TRIM25: variants seen among roughly 807,000 people sequenced by gnomAD.
TRIM25 encodes the protein E3 ubiquitin/ISG15 ligase TRIM25.
In TRIM25, 45 loss-of-function variants were observed where a neutral mutation model predicts 65.2. The observed-to-expected ratio is 0.69, with a 90% CI of 0.54 to 0.89. The LOEUF is 0.89. TRIM25 is among the 40% of genes least tolerant of loss of function. The probability of loss-of-function intolerance (pLI) is 0.00; values close to 1 mark genes in which losing one functional copy is unlikely to be tolerated. For missense variants in TRIM25, 714 were observed against 803.7 expected, an observed-to-expected ratio of 0.89 and a Z score of 1.35; for synonymous variants, 321 against 340.4, an observed-to-expected ratio of 0.94 and a Z score of 0.63.
chr17:56,903,894 C>A (rs971735594), intron 3 of TRIM25, among the ~76,000 whole-genome samples: 6 of 152,096 alleles, frequency 3.9e-5, no homozygotes, highest in Non-Finnish European at 7.4e-5. Context: ...GTCCTACAAC[C>A]ATAAGGAACT....
At chr17:56,905,541 C>T (rs1235266516) in intron 2 of TRIM25, among the ~76,000 whole-genome samples, 1 of 152,100 alleles carries the variant, frequency 6.6e-6, no homozygotes, top group Non-Finnish European at 1.5e-5. Context: ...GTGTAAAATA[C>T]ATACTGGCTT....
In TRIM25 at chr17:56,913,391, C is replaced by T. The variant is rs749214077; in HGVS notation, c.597+1G>A. The T allele has an allele frequency of 6.4e-7, 1 of 1,555,928 alleles. No individual in the cohort carries two copies. The highest frequency in any genetic ancestry group is 1.2e-5 in the South Asian group (1 of 82,770). ...TCTGCACCCAGCAGGCCGTTCCCTA[C>T]CTCCAGGTCGGCGCTGGCCTGGCTC... On this transcript the variant is annotated splice_donor_variant, in intron 1 of 8. Transcript: ENST00000316881. LOFTEE classifies it high-confidence loss of function. The surrounding 1 kb of genome is among the most constrained non-coding windows in gnomAD (Gnocchi z 6.1).
At chr17:56,911,064 A>G (rs968055768) in intron 1 of TRIM25, among the ~76,000 whole-genome samples, 2 of 152,160 alleles carry the variant, frequency 1.3e-5, no homozygotes, top group Non-Finnish European at 2.9e-5. Flanking sequence ...TGGGAGTTCA[A>G]GACCAGCCTG....
chr17:56,891,655 T>G lies in TRIM25; in HGVS notation c.*45A>C. 1 of 1,499,362 alleles carries G rather than the reference T, an allele frequency of 6.7e-7. No individual in the cohort carries two copies. The highest frequency in any genetic ancestry group is 9.0e-7 in the Non-Finnish European group (1 of 1,112,764). The allele number at this position is 1,499,362 out of a possible 1,614,324, so 92.9% of individuals were successfully genotyped here. On this transcript the variant is annotated 3_prime_UTR_variant, in exon 9 of 9. Coordinates refer to ENST00000316881, the MANE Select transcript of TRIM25 (RefSeq NM_005082.5). ...TCTGCCTGCTGTATTTTCACTAGGG[T>G]CTTGGGACTTCTGCAGGCAGTCAGC...
At position 56,913,803 on chromosome 17, in the gene TRIM25, C is replaced by A; in HGVS notation, c.186G>T (p.Gln62His). Reference sequence around the variant, plus strand: ...TGCACAGCACCGTGTTCTTGTGCAGCTGCGGTCGCGCCTGGTAGACGGCGC... The same window carrying A: ...TGCACAGCACCGTGTTCTTGTGCAGATGCGGTCGCGCCTGGTAGACGGCGC... ...QCRAVYQARPQLHKNTVLCNV... is the reference protein window; with the variant it reads ...QCRAVYQARPHLHKNTVLCNV... Residue 62 changes from glutamine (Q) to histidine (H), a missense_variant, in exon 1 of 9, where the codon CAG (glutamine) becomes CAT (histidine). Gln to His is a conservative substitution (Grantham distance 24, BLOSUM62 0). This residue lies in a region of TRIM25 where 291 missense variants were observed against 281.8 expected (regional missense o/e 1.03). Transcript: ENST00000316881. This position sits in a 1 kb window ranked among gnomAD's most constrained non-coding sequence, Gnocchi z 6.1. 6.4e-7 allele frequency: 1 copy of A among 1,559,690 alleles called. No homozygotes were observed. Among genetic ancestry groups the A allele is most frequent in the Non-Finnish European group, 8.7e-7 (1 of 1,152,620 alleles).
At chr17:56,894,172 C>T (rs1052429163) in intron 8 of TRIM25, among the ~76,000 whole-genome samples, 8 of 152,358 alleles carry the variant, frequency 5.3e-5, no homozygotes, top group African/African-American at 1.9e-4. Context: ...GCTAAACATA[C>T]AGCTTTCCGT....
intron 3 of TRIM25, 130 bp downstream of exon 3, chr17:56,904,125 C>T (rs1567841078): frequency 2.7e-6 from 2 of 735,550 alleles, no homozygotes; most frequent in Admixed American, 2.6e-5. Flanking sequence ...AAAACTAATA[C>T]AGCGTGTGTC....
Position 56,913,352 on chromosome 17 carries a change from A to C in TRIM25, c.597+40T>G, listed in dbSNP as rs1909666424. The C allele has an allele frequency of 6.7e-7, 1 of 1,502,882 alleles. No homozygotes were observed. The highest frequency in any genetic ancestry group is 1.4e-5 in the African/African-American group (1 of 71,058). The allele number at this position is 1,502,882 out of a possible 1,614,324, so 93.1% of individuals were successfully genotyped here. A position where few individuals can be genotyped will look rare whatever the true frequency, so the allele number is the denominator to read the frequency against. ...CGGTGGCCCCTCTGCACCACCCATC[A>C]GGCCAGGCTGCCCTCTGCACCCAGC... is the stretch of plus-strand genomic sequence containing the variant. On this transcript the variant is annotated intron_variant, in intron 1 of 8. Coordinates refer to ENST00000316881, the MANE Select transcript of TRIM25 (RefSeq NM_005082.5). The surrounding 1 kb of genome is among the most constrained non-coding windows in gnomAD (Gnocchi z 6.1).
Position 56,908,535 on chromosome 17 carries a change from A to T in TRIM25, c.626T>A (p.Met209Lys), listed in dbSNP as rs759699144. 1.5e-5 allele frequency: 25 copies of T among 1,614,022 alleles called. No individual in the cohort carries two copies. The East Asian group carries it at 5.1e-4, about 33-fold the overall frequency. ...EATLRHKLTVMYSQINGASRA... is the reference protein window; with the variant it reads ...EATLRHKLTVKYSQINGASRA... Reference sequence around the variant, plus strand: ...CGACGCCCCGTTGATCTGACTGTACATGACAGTTAGTTTGTGCCTCAGGGT... The same window carrying T: ...CGACGCCCCGTTGATCTGACTGTACTTGACAGTTAGTTTGTGCCTCAGGGT... The change falls in exon 2 of 9, where the codon ATG (methionine) becomes AAG (lysine). Residue 209 changes from methionine to lysine, a missense_variant. Physicochemically the swap from Met to Lys is moderately conservative, Grantham distance 95 (BLOSUM62 -1). Coordinates refer to ENST00000316881, the MANE Select transcript of TRIM25 (RefSeq NM_005082.5).
rs761022673 is a variant in TRIM25, at chr17:56,908,469, C to T, written c.692G>A (p.Arg231Gln). ...DDVRNRQQDV[R>Q]MTANRKVEQL... is the part of the protein sequence containing the mutation. ...GCCTTGGAGAGCCCTGCCACTCACC[C>T]GCACATCCTGCTGCCTGTTTCTCAC... Residue 231 changes from arginine (R) to glutamine (Q), a missense_variant and splice_region_variant, in exon 2 of 9, where the codon CGG becomes CAG. This residue lies in a region of TRIM25 where 413 missense variants were observed against 498.2 expected (regional missense o/e 0.83). Transcript: ENST00000316881. 32 of 1,613,608 alleles carry T rather than the reference C, an allele frequency of 2.0e-5. No individual in the cohort carries two copies. Among genetic ancestry groups the T allele is most frequent in the Middle Eastern group, 1.7e-4 (1 of 6,044 alleles).
rs1938910673 is a variant in TRIM25, at chr17:56,913,942, C to G, written c.47G>C (p.Cys16Ser). 1.3e-6 allele frequency: 2 copies of G among 1,588,116 alleles called. No individual in the cohort carries two copies. The highest frequency in any genetic ancestry group is 2.3e-5 in the South Asian group (2 of 87,134). The part of the protein sequence containing the change: ...PLAEELSCSI[C>S]LEPFKEPVTT... ...GACCGGCTCCTTGAAGGGCTCCAGG[C>G]AGATGGAGCACGACAGCTCCTCGGC... Residue 16 changes from cysteine to serine, a missense_variant, in exon 1 of 9, where the codon TGC becomes TCC. Physicochemically the swap from Cys to Ser is moderately radical, Grantham distance 112. Transcript: ENST00000316881. The surrounding 1 kb of genome is among the most constrained non-coding windows in gnomAD (Gnocchi z 6.1).
At chr17:56,906,770 C>T (rs1311220085) in intron 2 of TRIM25, among the ~76,000 whole-genome samples, 2 of 152,248 alleles carry the variant, frequency 1.3e-5, no homozygotes, top group Non-Finnish European at 2.9e-5. Context: ...GCTGGGATTA[C>T]AGGCGTGAGC....
At position 56,891,567 on chromosome 17, in the gene TRIM25, C is replaced by CCCCAACCCA; in HGVS notation, c.*132_*133insTGGGTTGGG. On this transcript the variant is annotated 3_prime_UTR_variant, in exon 9 of 9. Coordinates refer to ENST00000316881, the MANE Select transcript of TRIM25 (RefSeq NM_005082.5). ...TGGCTAAATCCCACCTCCCACCCTC[C>CCCCAACCCA]CGCCAGCTCCCCTCCCATGCTCCCA... 1 of 811,838 alleles carries CCCCAACCCA rather than the reference C, an allele frequency of 1.2e-6. No individual in the cohort carries two copies. Among genetic ancestry groups the CCCCAACCCA allele is most frequent in the Non-Finnish European group, 1.9e-6 (1 of 539,154 alleles). The allele number at this position is 811,838 out of a possible 1,614,324, so 50.3% of individuals were successfully genotyped here.
chr17:56,904,519 C>A, intron 2 of TRIM25, 31 bp from the exon 3 acceptor site: 3 of 1,602,256 alleles, frequency 1.9e-6, no homozygotes, highest in Non-Finnish European at 2.6e-6. Flanking sequence ...GGATGCCCGT[C>A]AAAGGGGCAA....
At chr17:56,906,452 A>G (rs984492109) in intron 2 of TRIM25, among the ~76,000 whole-genome samples, 1 of 152,220 alleles carries the variant, frequency 6.6e-6, no homozygotes, top group Non-Finnish European at 1.5e-5. Flanking sequence ...ACACACAAGA[A>G]GGACAGTAGA....
intron 4 of TRIM25, among the ~76,000 whole-genome samples, chr17:56,900,924 TAC>T (rs923185055): frequency 2.6e-5 from 4 of 152,096 alleles, no homozygotes; most frequent in African/African-American, 9.7e-5. Context: ...AGGAAGCTGC[TAC>T]AGTCATGGGG....
At position 56,891,732 on chromosome 17, in the gene TRIM25, C is replaced by T. The variant is rs766931067; in HGVS notation, c.1861G>A (p.Gly621Ser). ...GGGGAGCAGATGGAGAGTGTGGCAC[C>T]AGCAGAAAATACCCAGAAAGCCGGG... Reference protein sequence around the residue: ...LYPAFWVFSAGATLSICSPK With the variant: ...LYPAFWVFSASATLSICSPK Residue 621 changes from glycine (G) to serine (S), a missense_variant, in exon 9 of 9, where the codon GGT becomes AGT. This residue lies in a region of TRIM25 where 10 missense variants were observed against 23.6 expected (regional missense o/e 0.42). Transcript: ENST00000316881. 2 of 1,613,838 alleles carry T rather than the reference C, an allele frequency of 1.2e-6. No individual in the cohort carries two copies. The highest frequency in any genetic ancestry group is 1.7e-6 in the Non-Finnish European group (2 of 1,179,902).
chr17:56,913,555 A>G lies in TRIM25; in HGVS notation c.434T>C (p.Leu145Pro). The change falls in exon 1 of 9, where the codon CTG (leucine) becomes CCG (proline). Residue 145 changes from leucine (L) to proline (P), a missense_variant. Leu to Pro is a moderately conservative substitution (Grantham distance 98). Coordinates refer to ENST00000316881, the MANE Select transcript of TRIM25 (RefSeq NM_005082.5). The surrounding 1 kb of genome is among the most constrained non-coding windows in gnomAD (Gnocchi z 6.1). ...CAACAGGTCGCGAACGGGCGGCTGCAGCGGGTGGTCCTGGAAGGCGGGGCT... is the reference window on the plus strand; with the variant it reads ...CAACAGGTCGCGAACGGGCGGCTGCGGCGGGTGGTCCTGGAAGGCGGGGCT... ...FDSPAFQDHP[L>P]QPPVRDLLRR... is the part of the protein sequence containing the mutation. The G allele has an allele frequency of 1.2e-6, 2 of 1,613,558 alleles. No individual in the cohort carries two copies. Among genetic ancestry groups the G allele is most frequent in the Non-Finnish European group, 1.7e-6 (2 of 1,179,742 alleles).
chr17:56,907,660 T>C (rs1567842168), intron 2 of TRIM25, among the ~76,000 whole-genome samples: 1 of 152,242 alleles, frequency 6.6e-6, no homozygotes, highest in Non-Finnish European at 1.5e-5. Context: ...TTCTATAATA[T>C]TCCCTTTCAG....
Sources: allele counts gnomAD v4.1 joint callset (sites outside exome capture counted in the v4.1 genomes callset), GRCh38; gene constraint gnomAD v4.1.1; regional missense constraint gnomAD v4.1.1; non-coding constraint Gnocchi (gnomAD v3.1); transcripts MANE v1.5; gene names NCBI Gene and HGNC (gene_info 2026-07-23, HGNC 2026-07-21).